The following ADGRL3 variants were observed in gnomAD, a reference collection of about 807,000 sequenced individuals.
ADGRL3 encodes the protein adhesion G protein-coupled receptor L3, also known as calcium-independent alpha-latrotoxin receptor 3.
ADGRL3 carries 62 observed loss-of-function variants against 153.5 expected under a neutral mutation model. The observed-to-expected ratio is 0.40, with a 90% CI of 0.33 to 0.50. The LOEUF (loss-of-function observed/expected upper bound fraction) is 0.50, where lower values mean the gene tolerates loss of function less well. Ranked by LOEUF, ADGRL3 falls within the 20% of genes least tolerant of loss-of-function variation. The pLI, the probability that ADGRL3 is intolerant of heterozygous loss-of-function variation, is 0.47. For synonymous variants in ADGRL3, 710 were observed against 672.5 expected, an observed-to-expected ratio of 1.06 and a Z score of -0.86; for missense variants, 1,641 against 1,859.4, an observed-to-expected ratio of 0.88 and a Z score of 2.16.
At position 62,078,039 on chromosome 4, in the gene ADGRL3, A is replaced by T. The variant is rs1385631084; in HGVS notation, c.*7131A>T. The T allele has an allele frequency of 6.6e-6, 1 of 152,006 alleles. No individual in the cohort carries two copies. Among genetic ancestry groups the T allele is most frequent in the Non-Finnish European group, 1.5e-5 (1 of 67,902 alleles). The allele number at this position is 152,006 out of a possible 1,614,324, so 9.4% of individuals were successfully genotyped here. A position where few individuals can be genotyped will look rare whatever the true frequency, so the allele number is the denominator to read the frequency against. On this transcript the variant is annotated 3_prime_UTR_variant, in exon 27 of 27. Transcript: ENST00000683033. Reference sequence around the variant, plus strand: ...CCAAGCATTAAATCTAATTCAAAATATGTCTTTCTAAAAAACAATAGTTTA... The same window carrying T: ...CCAAGCATTAAATCTAATTCAAAATTTGTCTTTCTAAAAAACAATAGTTTA...
At chr4:61,801,795 C>T (rs918589506) in intron 8 of ADGRL3, among the ~76,000 whole-genome samples, 1 of 152,064 alleles carries the variant, frequency 6.6e-6, no homozygotes, top group Non-Finnish European at 1.5e-5. Context: ...AGTATATTAT[C>T]AAGACACAAC....
intron 3 of ADGRL3, 144 bp downstream of exon 3, chr4:61,497,492 T>C (rs1445084693): frequency 3.9e-6 from 2 of 512,060 alleles, no homozygotes; most frequent in East Asian, 7.0e-5. Flanking sequence ...TAAAAGAACA[T>C]AATGTGTATT....
At chr4:61,621,123 A>G (rs2092481063) in intron 5 of ADGRL3, among the ~76,000 whole-genome samples, 1 of 152,174 alleles carries the variant, frequency 6.6e-6, no homozygotes, top group Admixed American at 6.5e-5. Context: ...CATGTTGATA[A>G]TAAACAATCT....
chr4:61,217,147 G>A (rs1188135558), intron 1 of ADGRL3, among the ~76,000 whole-genome samples: 2 of 152,164 alleles, frequency 1.3e-5, no homozygotes, highest in Non-Finnish European at 2.9e-5. Flanking sequence ...TATGGCACAT[G>A]CAAAATCATG....
intron 17 of ADGRL3, among the ~76,000 whole-genome samples, chr4:61,956,526 A>G (rs1468039656): frequency 6.6e-6 from 1 of 152,040 alleles, no homozygotes; most frequent in Non-Finnish European, 1.5e-5. Flanking sequence ...ACTGTGCAGA[A>G]GCTCTTTAGT....
At chr4:61,255,006 A>C (rs73214548) in intron 1 of ADGRL3, among the ~76,000 whole-genome samples, 22,076 of 151,856 alleles carry the variant, frequency 0.15, 1,944 homozygotes, top group East Asian at 0.27. Context: ...TACTTTTTTC[A>C]TCACTGAAAG....
chr4:61,441,881 T>C (rs574813027), intron 2 of ADGRL3, among the ~76,000 whole-genome samples: 1 of 152,330 alleles, frequency 6.6e-6, no homozygotes, highest in East Asian at 1.9e-4. Flanking sequence ...ATTAATATTT[T>C]ATGCTACCCA....
At chr4:61,877,971 T>G (rs1307102577) in intron 9 of ADGRL3, among the ~76,000 whole-genome samples, 1 of 152,202 alleles carries the variant, frequency 6.6e-6, no homozygotes. Context: ...CTCTCTTGCT[T>G]GCTGTCATGT....
chr4:61,526,307 A>G (rs1338827671), intron 4 of ADGRL3, among the ~76,000 whole-genome samples: 1 of 152,144 alleles, frequency 6.6e-6, no homozygotes, highest in Non-Finnish European at 1.5e-5. Context: ...TTTTAAGGAG[A>G]GCAAGTAGTA....
intron 5 of ADGRL3, among the ~76,000 whole-genome samples, chr4:61,666,870 T>C (rs191500594): frequency 6.6e-6 from 1 of 152,278 alleles, no homozygotes; most frequent in Admixed American, 6.5e-5. Flanking sequence ...TAAATGAATA[T>C]AGATGTCATT....
intron 5 of ADGRL3, among the ~76,000 whole-genome samples, chr4:61,613,251 A>C (rs959766482): frequency 1.3e-5 from 2 of 151,160 alleles, no homozygotes; most frequent in Non-Finnish European, 3.0e-5. Flanking sequence ...TGATCTAGGG[A>C]CTCTTTGAAG....
chr4:61,905,348 T>C (rs936368289), intron 11 of ADGRL3, among the ~76,000 whole-genome samples: 1 of 152,208 alleles, frequency 6.6e-6, no homozygotes. Flanking sequence ...TAAGTAGCCC[T>C]AATTTATGTA....
rs2096950481 is a variant in ADGRL3, at chr4:61,764,414, TG to T, written c.1399+30865del. Among the ~76,000 whole-genome samples the T allele has an allele frequency of 6.1e-5, 7 of 115,626 alleles. No individual in the cohort carries two copies. The South Asian group carries it at 1.9e-3, about 31-fold the overall frequency. 75.9% of individuals were successfully genotyped at this position (115,626 alleles called of 152,430 possible). On this transcript the variant is annotated intron_variant, in intron 8 of 26. Transcript: ENST00000683033. ...GGGTTTGTTCTCTGGCGGGTAGGAG[TG>T]GGGGTTGCAAGGTGCTCAGTGGGCA...
At chr4:61,342,505 C>T (rs1038966627) in intron 1 of ADGRL3, among the ~76,000 whole-genome samples, 4 of 152,050 alleles carry the variant, frequency 2.6e-5, no homozygotes, top group African/African-American at 9.7e-5. Flanking sequence ...ATTCATGCCT[C>T]CCACACCCCT....
intron 8 of ADGRL3, among the ~76,000 whole-genome samples, chr4:61,759,687 C>T (rs7684797): frequency 0.49 from 74,923 of 152,064 alleles, 19,274 homozygotes; most frequent in East Asian, 0.71. Flanking sequence ...AGCCATTCTC[C>T]GTCCAGCTTT....
intron 5 of ADGRL3, among the ~76,000 whole-genome samples, chr4:61,667,451 G>A (rs1054639577): frequency 2.0e-5 from 3 of 151,828 alleles, no homozygotes; most frequent in Non-Finnish European, 4.4e-5. Context: ...GTATTTTGTC[G>A]GAATAAAATG....
At chr4:61,782,692 C>T (rs990853859) in intron 8 of ADGRL3, among the ~76,000 whole-genome samples, 1 of 152,106 alleles carries the variant, frequency 6.6e-6, no homozygotes, top group African/African-American at 2.4e-5. Context: ...TGGAAGCTTA[C>T]TTTAACAATA....
At chr4:61,798,377 G>A (rs2097440908) in intron 8 of ADGRL3, among the ~76,000 whole-genome samples, 1 of 152,086 alleles carries the variant, frequency 6.6e-6, no homozygotes, top group African/African-American at 2.4e-5. Flanking sequence ...CTGTATATGT[G>A]CATGTGTGTC....
At chr4:61,703,847 CTT>C (rs879364284) in intron 6 of ADGRL3, among the ~76,000 whole-genome samples, 1 of 145,266 alleles carries the variant, frequency 6.9e-6, no homozygotes. Flanking sequence ...TTATTTTAGT[CTT>C]TTTTTTTTTC....
Sources: allele counts gnomAD v4.1 joint callset (sites outside exome capture counted in the v4.1 genomes callset), GRCh38; gene constraint gnomAD v4.1.1; transcripts MANE v1.5; gene names NCBI Gene and HGNC (gene_info 2026-07-23, HGNC 2026-07-21).